Variants in SCHIP1 observed in about 807,000 individuals in gnomAD.
SCHIP1 encodes schwannomin interacting protein 1, also known as schwannomin-interacting protein 1.
Under a neutral mutation model 29.7 loss-of-function variants are expected in SCHIP1, and 8 were observed. The ratio of observed to expected loss-of-function variants is 0.27; its 90% confidence interval spans 0.16 to 0.49. The LOEUF (loss-of-function observed/expected upper bound fraction) is 0.49. SCHIP1 is among the 20% of genes least tolerant of loss of function. The pLI, the probability that SCHIP1 is intolerant of heterozygous loss-of-function variation, is 0.99. For synonymous variants in SCHIP1, 76 were observed against 94.9 expected (o/e 0.80, Z 1.16); for missense variants, 193 against 294.6 (o/e 0.66, Z 2.52).
At chr3:159,283,595 C>T in the SCHIP1 span, among the ~76,000 whole-genome samples, 5 of 152,152 alleles carry the variant, frequency 3.3e-5, no homozygotes, top group Non-Finnish European at 5.9e-5. Flanking sequence ...TGAGCCACCG[C>T]GCCTGGCTAT....
At chr3:159,880,732 C>CAATG (rs544877431) in intron 2 of SCHIP1, among the ~76,000 whole-genome samples, 48 of 152,094 alleles carry the variant, frequency 3.2e-4, no homozygotes, top group African/African-American at 8.5e-4. Flanking sequence ...GCCTGATCAT[C>CAATG]AATGAATGAA....
At chr3:159,273,723 A>G in the SCHIP1 span, 9 of 1,542,114 alleles carry the variant, frequency 5.8e-6, no homozygotes, top group Non-Finnish European at 5.2e-6. Context: ...AGACAACCTT[A>G]CTAGCTAACC....
the SCHIP1 span, among the ~76,000 whole-genome samples, chr3:159,438,202 T>C: frequency 3.3e-5 from 5 of 152,142 alleles, no homozygotes; most frequent in African/African-American, 1.2e-4. Context: ...CAGATCTGTC[T>C]TATCGAAATG....
At chr3:159,834,345 T>C in the SCHIP1 span, among the ~76,000 whole-genome samples, 1 of 152,048 alleles carries the variant, frequency 6.6e-6, no homozygotes, top group Non-Finnish European at 1.5e-5. Context: ...TAGCTGAGCG[T>C]TCTCTTCTCT....
chr3:159,726,063 T>G, the SCHIP1 span, among the ~76,000 whole-genome samples: 1 of 152,156 alleles, frequency 6.6e-6, no homozygotes, highest in Non-Finnish European at 1.5e-5. Flanking sequence ...AGACCATATA[T>G]TACACCCTTG....
the SCHIP1 span, among the ~76,000 whole-genome samples, chr3:159,831,850 T>C: frequency 6.6e-6 from 1 of 152,184 alleles, no homozygotes; most frequent in Non-Finnish European, 1.5e-5. Context: ...CATGGTTGAC[T>C]ACAGGTAACT....
the SCHIP1 span, among the ~76,000 whole-genome samples, chr3:159,384,901 G>GTGTT: frequency 6.6e-6 from 1 of 152,168 alleles, no homozygotes; most frequent in African/African-American, 2.4e-5. Context: ...TTGCATAGAG[G>GTGTT]TGTTTGTAAT....
the SCHIP1 span, among the ~76,000 whole-genome samples, chr3:159,531,834 A>T: frequency 6.6e-6 from 1 of 152,318 alleles, no homozygotes; most frequent in South Asian, 2.1e-4. Context: ...CATAATACCA[A>T]ACCAAAGAGA....
At chr3:159,865,649 T>G (rs1366764603) in intron 1 of SCHIP1, among the ~76,000 whole-genome samples, 1 of 152,244 alleles carries the variant, frequency 6.6e-6, no homozygotes, top group Non-Finnish European at 1.5e-5. Context: ...TGTCTTGTCC[T>G]GGGTTCTCTT....
At chr3:159,298,563 TG>T in the SCHIP1 span, among the ~76,000 whole-genome samples, 3 of 152,060 alleles carry the variant, frequency 2.0e-5, no homozygotes, top group Non-Finnish European at 4.4e-5. Flanking sequence ...TTAAGGGCCC[TG>T]TAAGTTAGAT....
At chr3:159,662,957 A>G in the SCHIP1 span, among the ~76,000 whole-genome samples, 1 of 152,338 alleles carries the variant, frequency 6.6e-6, no homozygotes, top group African/African-American at 2.4e-5. Flanking sequence ...TAGATGTAGC[A>G]ACAGTGGGTA....
At chr3:159,834,429 T>C in the SCHIP1 span, among the ~76,000 whole-genome samples, 1 of 152,242 alleles carries the variant, frequency 6.6e-6, no homozygotes, top group African/African-American at 2.4e-5. Context: ...ATTTGTGTAC[T>C]GCCTCATTTC....
chr3:159,298,543 G>A, the SCHIP1 span, among the ~76,000 whole-genome samples: 13 of 152,140 alleles, frequency 8.5e-5, no homozygotes, highest in African/African-American at 2.4e-4. Flanking sequence ...GCTTATGTTT[G>A]GAGCATTTAT....
the SCHIP1 span, among the ~76,000 whole-genome samples, chr3:159,728,739 G>A: frequency 2.0e-5 from 3 of 152,228 alleles, no homozygotes; most frequent in Admixed American, 1.3e-4. Context: ...GGAAAGCTCA[G>A]GTGAACTCTG....
At chr3:159,444,674 T>A in the SCHIP1 span, among the ~76,000 whole-genome samples, 1 of 152,000 alleles carries the variant, frequency 6.6e-6, no homozygotes, top group East Asian at 1.9e-4. Context: ...AGAGACAAAG[T>A]GATGAGAGAT....
the SCHIP1 span, among the ~76,000 whole-genome samples, chr3:159,424,974 T>C: frequency 6.6e-6 from 1 of 151,938 alleles, no homozygotes; most frequent in Admixed American, 6.6e-5. Context: ...TAAAATACTT[T>C]ACAGACAAGC....
chr3:159,580,744 A>C, the SCHIP1 span, among the ~76,000 whole-genome samples: 1 of 152,304 alleles, frequency 6.6e-6, no homozygotes, highest in Non-Finnish European at 1.5e-5. Context: ...AAGAACTGAG[A>C]TACAAGTTGT....
At chr3:159,391,084 G>C in the SCHIP1 span, among the ~76,000 whole-genome samples, 10 of 152,124 alleles carry the variant, frequency 6.6e-5, no homozygotes, top group African/African-American at 2.4e-4. Context: ...TGTCTTGGTA[G>C]TCAACATGAT....
chr3:159,817,641 CT>C, the SCHIP1 span, among the ~76,000 whole-genome samples: 1 of 152,214 alleles, frequency 6.6e-6, no homozygotes, highest in Non-Finnish European at 1.5e-5. Flanking sequence ...CCATGGGACC[CT>C]TTGGCAAAGT....
Sources: gnomAD v4.1 joint callset for allele counts (sites outside exome capture counted in the v4.1 genomes callset) on GRCh38, gnomAD v4.1.1 for gene constraint, MANE v1.5 for transcripts, NCBI Gene and HGNC (gene_info 2026-07-23, HGNC 2026-07-21) for gene names.